Variants in SH2D2A observed in about 807,000 individuals in gnomAD.
The protein encoded by SH2D2A is SH2 domain-containing protein 2A.
SH2D2A carries 33 observed loss-of-function variants against 43.6 expected under a neutral mutation model. The observed-to-expected ratio is 0.76, with a 90% CI of 0.57 to 1.01. The LOEUF (loss-of-function observed/expected upper bound fraction) is 1.01, where lower values mean the gene tolerates loss of function less well. Ranked by LOEUF, SH2D2A falls within the 50% of genes least tolerant of loss-of-function variation. The probability of loss-of-function intolerance (pLI) is 0.00; values close to 1 mark genes in which losing one functional copy is unlikely to be tolerated. For missense variants in SH2D2A, 491 were observed against 503.1 expected, an observed-to-expected ratio of 0.98 and a Z score of 0.23; for synonymous variants, 212 against 206.1, an observed-to-expected ratio of 1.03 and a Z score of -0.25.
Position 156,807,142 on chromosome 1 carries a change from G to A in SH2D2A, c.*3+33C>T. On this transcript the variant is annotated intron_variant, in intron 8 of 8. Coordinates refer to ENST00000368199, the MANE Select transcript of SH2D2A (RefSeq NM_003975.4). The surrounding 1 kb of genome is among the most constrained non-coding windows in gnomAD (Gnocchi z 5.1). Reference sequence around the variant, plus strand: ...GTGTGTGAAGGTCTCTGGACCTGATGCTCCAAGTTATCCTCACCAAGCTCA... The same window carrying A: ...GTGTGTGAAGGTCTCTGGACCTGATACTCCAAGTTATCCTCACCAAGCTCA... 1 of 1,600,038 alleles carries A rather than the reference G, an allele frequency of 6.2e-7. No individual in the cohort carries two copies. The highest frequency in any genetic ancestry group is 8.6e-7 in the Non-Finnish European group (1 of 1,169,492).
chr1:156,814,219 G>A lies in SH2D2A; in HGVS notation c.384C>T (p.Phe128=). Residue 128 remains phenylalanine (F), a synonymous_variant, in exon 4 of 9, where the codon TTC becomes TTT. Transcript: ENST00000368199. ...TCGCCCCTCACCTGTAAGTCAGCACGAAGGTCACCGCGCTCTCGCTGAACC... is the reference window on the plus strand; with the variant it reads ...TCGCCCCTCACCTGTAAGTCAGCACAAAGGTCACCGCGCTCTCGCTGAACC... ...LVRFSESAVT[F]VLTYRSRTCC... is the part of the protein sequence containing the mutation. The A allele has an allele frequency of 1.9e-6, 3 of 1,613,760 alleles. No homozygotes were observed. The highest frequency in any genetic ancestry group is 2.5e-6 in the Non-Finnish European group (3 of 1,179,958).
intron 5 of SH2D2A, among the ~76,000 whole-genome samples, chr1:156,813,155 G>A (rs111452452): frequency 1.3e-5 from 2 of 152,256 alleles, no homozygotes; most frequent in African/African-American, 2.4e-5. Flanking sequence ...TACTCCGTAA[G>A]TATCTCTTAC....
At chr1:156,814,599 C>A (rs992649800) in intron 3 of SH2D2A, 1 of 474,534 alleles carries the variant, frequency 2.1e-6, no homozygotes, top group Non-Finnish European at 3.7e-6. Context: ...AGTTGGACTT[C>A]CAGATTTCAG....
rs377396834 is a variant in SH2D2A at position 156,816,120 on chromosome 1, G to C, written c.35-26C>G. 6.9e-6 allele frequency: 11 copies of C among 1,599,168 alleles called. No homozygotes were observed. In the African/African-American group the frequency reaches 1.5e-4, roughly 21 times the overall value. The stretch of plus-strand genomic sequence containing the variant: ...CTGTGAGCACAAAGAGGGCTGCCGG[G>C]GTTTCTCAGAGAGGAACTATGTCTG... On this transcript the variant is annotated intron_variant, in intron 1 of 8. Coordinates refer to ENST00000368199, the MANE Select transcript of SH2D2A (RefSeq NM_003975.4).
At position 156,816,759 on chromosome 1, in the gene SH2D2A, GA is replaced by G; in HGVS notation, c.-52del. The G allele has an allele frequency of 1.3e-6, 2 of 1,529,282 alleles. No individual in the cohort carries two copies. The highest frequency in any genetic ancestry group is 1.8e-6 in the Non-Finnish European group (2 of 1,135,426). The allele number at this position is 1,529,282 out of a possible 1,614,324, so 94.7% of individuals were successfully genotyped here. The stretch of plus-strand genomic sequence containing the variant: ...GAGCAGGGTGTGTGTATGTGTTCCG[GA>G]AAGGTGTGCACACTCAGCAACTCAT... On this transcript the variant is annotated 5_prime_UTR_variant, in exon 1 of 9. Transcript: ENST00000368199.
At chr1:156,810,318 C>T (rs1158945343) in intron 5 of SH2D2A, among the ~76,000 whole-genome samples, 2 of 152,218 alleles carry the variant, frequency 1.3e-5, no homozygotes, top group Admixed American at 6.5e-5. Context: ...GGATTACAGG[C>T]GTAAGCCACC....
intron 3 of SH2D2A, 71 bp downstream of exon 3, chr1:156,814,966 G>A: frequency 7.6e-7 from 1 of 1,316,812 alleles, no homozygotes; most frequent in East Asian, 2.7e-5. Flanking sequence ...TCTATTCCTG[G>A]CAGGTGGCAG....
Position 156,807,443 on chromosome 1 carries a change from TC to T in SH2D2A, c.1003-99del. 1 of 1,046,604 alleles carries T rather than the reference TC, an allele frequency of 9.6e-7. No individual in the cohort carries two copies. The highest frequency in any genetic ancestry group is 1.3e-6 in the Non-Finnish European group (1 of 748,066). The allele number at this position is 1,046,604 out of a possible 1,614,324, so 64.8% of individuals were successfully genotyped here. ...CATCTGATCTGAACAGACTTTGGCTTCCAGAGAGGGTATCTAAACTCCTCTC... is the reference window on the plus strand; with the variant it reads ...CATCTGATCTGAACAGACTTTGGCTTCAGAGAGGGTATCTAAACTCCTCTC... On this transcript the variant is annotated intron_variant, in intron 7 of 8. Coordinates refer to ENST00000368199, the MANE Select transcript of SH2D2A (RefSeq NM_003975.4). The surrounding 1 kb of genome is among the most constrained non-coding windows in gnomAD (Gnocchi z 5.1).
chr1:156,815,225 G>A lies in SH2D2A; in HGVS notation c.124-4C>T, dbSNP rs1329778537. 2.7e-6 allele frequency: 4 copies of A among 1,496,816 alleles called. No individual in the cohort carries two copies. Among genetic ancestry groups the A allele is most frequent in the Non-Finnish European group, 3.6e-6 (4 of 1,118,580 alleles). The allele number at this position is 1,496,816 out of a possible 1,614,324, so 92.7% of individuals were successfully genotyped here. On this transcript the variant is annotated splice_region_variant and splice_polypyrimidine_tract_variant and intron_variant, in intron 2 of 8. Transcript: ENST00000368199. Reference sequence around the variant, plus strand: ...CCTCCGGGGCCTGGGGAGATGCCTGGATCAGGGAAGAGTTCAAGGAGGGGG... The same window carrying A: ...CCTCCGGGGCCTGGGGAGATGCCTGAATCAGGGAAGAGTTCAAGGAGGGGG...
At chr1:156,814,083 G>T (rs1327986304) in intron 4 of SH2D2A, 67 bp from the exon 5 acceptor site, 1 of 1,498,536 alleles carries the variant, frequency 6.7e-7, no homozygotes, top group Non-Finnish European at 8.9e-7. Flanking sequence ...CGAGAGGCGT[G>T]ATCCCCACCT....
At position 156,816,096 on chromosome 1, in the gene SH2D2A, T is replaced by C. The variant is rs1294586121; in HGVS notation, c.35-2A>G. 1 of 1,611,992 alleles carries C rather than the reference T, an allele frequency of 6.2e-7. No individual in the cohort carries two copies. The highest frequency in any genetic ancestry group is 2.2e-5 in the East Asian group (1 of 44,888). Reference sequence around the variant, plus strand: ...TTGGGATGGGGGCTTCGTGACTCCCTGTGAGCACAAAGAGGGCTGCCGGGG... The same window carrying C: ...TTGGGATGGGGGCTTCGTGACTCCCCGTGAGCACAAAGAGGGCTGCCGGGG... On this transcript the variant is annotated splice_acceptor_variant, in intron 1 of 8. Transcript: ENST00000368199. LOFTEE classifies it high-confidence loss of function.
chr1:156,813,906 T>C lies in SH2D2A; in HGVS notation c.509A>G (p.Tyr170Cys), dbSNP rs748495777. 10 of 1,547,564 alleles carry C rather than the reference T, an allele frequency of 6.5e-6. No homozygotes were observed. In the Admixed American group the frequency reaches 1.1e-4, roughly 18 times the overall value. The change falls in exon 5 of 9, where the codon TAC becomes TGC. Residue 170 changes from tyrosine (Y) to cysteine (C), a missense_variant. Tyr to Cys is a radical substitution (Grantham distance 194). Transcript: ENST00000368199. The part of the protein sequence containing the change: ...HARLQDLLLH[Y>C]TAHPLSPYGE... The stretch of plus-strand genomic sequence containing the variant: ...GTAGGGGCTGAGCGGGTGCGCGGTG[T>C]AGTGCAGCAGCAGGTCCTGCAGCCG...
In SH2D2A at chr1:156,815,051, G is replaced by A. The variant is rs778468935; in HGVS notation, c.294C>T (p.Gly98=). 3 of 1,565,996 alleles carry A rather than the reference G, an allele frequency of 1.9e-6. No individual in the cohort carries two copies. Among genetic ancestry groups the A allele is most frequent in the Non-Finnish European group, 2.6e-6 (3 of 1,154,262 alleles). The change falls in exon 3 of 9, where the codon GGC becomes GGT. Residue 98 remains glycine (G), a synonymous_variant. Coordinates refer to ENST00000368199, the MANE Select transcript of SH2D2A (RefSeq NM_003975.4). The part of the protein sequence containing the change: ...QHGAAPAWFH[G]FITRREAERL... ...CCATGACTCACCTCCGGGTGATGAA[G>A]CCATGGAACCAGGCAGGGGCTGCCC...
chr1:156,812,343 G>GC (rs1213000934), intron 5 of SH2D2A, among the ~76,000 whole-genome samples: 1 of 152,002 alleles, frequency 6.6e-6, no homozygotes, highest in Admixed American at 6.6e-5. Flanking sequence ...AGTCTACAGG[G>GC]CCCCCCTCCC....
chr1:156,814,417 G>C, intron 3 of SH2D2A, 123 bp from the exon 4 acceptor site: 4 of 1,487,522 alleles, frequency 2.7e-6, no homozygotes, highest in Non-Finnish European at 2.7e-6. Context: ...CTAGAGAAAG[G>C]CTAGGGCGGA....
At chr1:156,814,319 C>T (rs756483821) in intron 3 of SH2D2A, 25 bp from the exon 4 acceptor site, 2 of 1,607,488 alleles carry the variant, frequency 1.2e-6, no homozygotes, top group Admixed American at 1.7e-5. Context: ...GAGAGGGGGC[C>T]GAACCCTGCT....
intron 1 of SH2D2A, 179 bp from the exon 2 acceptor site, chr1:156,816,273 A>T (rs1653921770): frequency 3.5e-6 from 2 of 578,314 alleles, no homozygotes; most frequent in Admixed American, 1.3e-4. Flanking sequence ...CCAAGGCGGC[A>T]TGGGGGGCTA....
intron 5 of SH2D2A, among the ~76,000 whole-genome samples, chr1:156,812,699 A>G (rs1030817264): frequency 6.6e-6 from 1 of 152,150 alleles, no homozygotes; most frequent in African/African-American, 2.4e-5. Context: ...AGGAGGCATG[A>G]GGAGGGTGGA....
chr1:156,813,894 G>C lies in SH2D2A; in HGVS notation c.521C>G (p.Pro174Arg), dbSNP rs959452607. 1 of 1,542,676 alleles carries C rather than the reference G, an allele frequency of 6.5e-7. No homozygotes were observed. Among genetic ancestry groups the C allele is most frequent in the East Asian group, 2.4e-5 (1 of 42,418 alleles). ...GAGCGTCTCCCCGTAGGGGCTGAGC[G>C]GGTGCGCGGTGTAGTGCAGCAGCAG... ...QDLLLHYTAH[P>R]LSPYGETLTE... The change falls in exon 5 of 9, where the codon CCG becomes CGG. Residue 174 changes from proline to arginine, a missense_variant. Coordinates refer to ENST00000368199, the MANE Select transcript of SH2D2A (RefSeq NM_003975.4).
Sources: gnomAD v4.1 joint callset for allele counts (sites outside exome capture counted in the v4.1 genomes callset) on GRCh38, gnomAD v4.1.1 for gene constraint, Gnocchi (gnomAD v3.1) non-coding constraint, MANE v1.5 for transcripts, NCBI Gene and HGNC (gene_info 2026-07-23, HGNC 2026-07-21) for gene names.